Variants in FAM193A observed in about 807,000 individuals in gnomAD.
FAM193A encodes protein FAM193A.
A neutral mutation model predicts 126.5 loss-of-function variants in FAM193A; 22 were observed. The observed-to-expected ratio is 0.17, with a 90% CI of 0.12 to 0.25. FAM193A has a LOEUF of 0.25. FAM193A is among the 10% of genes least tolerant of loss of function. The probability of loss-of-function intolerance (pLI) is 1.00; values close to 1 mark genes in which losing one functional copy is unlikely to be tolerated. For missense variants in FAM193A, 1,675 were observed against 1,672.8 expected (o/e 1.00, Z -0.02); for synonymous variants, 761 against 646.8 (o/e 1.18, Z -2.68).
At chr4:2,615,473 T>A (rs1189202379) in intron 2 of FAM193A, among the ~76,000 whole-genome samples, 2 of 152,184 alleles carry the variant, frequency 1.3e-5, no homozygotes, top group African/African-American at 4.8e-5. Context: ...TATTATGATT[T>A]GTTCATTGAC....
intron 1 of FAM193A, among the ~76,000 whole-genome samples, chr4:2,550,889 C>T (rs922283772): frequency 1.3e-5 from 2 of 151,830 alleles, no homozygotes; most frequent in African/African-American, 4.8e-5. Context: ...CAAGCTCTGC[C>T]TCCCGGGTTC....
At chr4:2,627,217 A>G (rs1043989985) in intron 4 of FAM193A, among the ~76,000 whole-genome samples, 4 of 148,360 alleles carry the variant, frequency 2.7e-5, no homozygotes, top group South Asian at 2.1e-4. Context: ...CTGTAGTCCA[A>G]TGGCGTGATC....
chr4:2,666,664 A>G (rs1713156457), intron 12 of FAM193A, among the ~76,000 whole-genome samples: 1 of 152,336 alleles, frequency 6.6e-6, no homozygotes, highest in Admixed American at 6.5e-5. Flanking sequence ...AAGATCTGTA[A>G]TTACTAATTC....
At chr4:2,668,208 T>C (rs1450746182) in intron 12 of FAM193A, among the ~76,000 whole-genome samples, 1 of 150,094 alleles carries the variant, frequency 6.7e-6, no homozygotes, top group Non-Finnish European at 1.5e-5. Context: ...AGCCACAATA[T>C]GCATCTTTTT....
At chr4:2,688,763 G>A (rs1034048357) in intron 13 of FAM193A, among the ~76,000 whole-genome samples, 1 of 152,278 alleles carries the variant, frequency 6.6e-6, no homozygotes, top group Non-Finnish European at 1.5e-5. Flanking sequence ...AGAACATGGT[G>A]CTCAGGATCT....
intron 19 of FAM193A, among the ~76,000 whole-genome samples, chr4:2,712,371 GTGT>G (rs1719076582): frequency 6.6e-6 from 1 of 152,032 alleles, no homozygotes; most frequent in Non-Finnish European, 1.5e-5. Context: ...TCCTGTTTCC[GTGT>G]TGTTTGGTGC....
At chr4:2,652,168 C>CT (rs753833897) in intron 7 of FAM193A, among the ~76,000 whole-genome samples, 2 of 152,150 alleles carry the variant, frequency 1.3e-5, no homozygotes, top group Admixed American at 6.5e-5. Context: ...GTCTGCAAGT[C>CT]TAAGTGCAAA....
chr4:2,612,817 C>G (rs1173959351), intron 2 of FAM193A, among the ~76,000 whole-genome samples: 1 of 152,180 alleles, frequency 6.6e-6, no homozygotes, highest in Admixed American at 6.5e-5. Flanking sequence ...TATCCTGATT[C>G]TTGAAGCTAT....
In FAM193A at chr4:2,626,582, A is replaced by T. The variant is rs754064625; in HGVS notation, c.803+5A>T. The T allele has an allele frequency of 5.4e-5, 37 of 690,244 alleles. 2 individuals are homozygous for T. The South Asian group carries it at 5.5e-4, about 10-fold the overall frequency. The allele number at this position is 690,244 out of a possible 1,614,324, so 42.8% of individuals were successfully genotyped here. On this transcript the variant is annotated splice_donor_5th_base_variant and intron_variant, in intron 4 of 20. Coordinates refer to ENST00000637812, the MANE Select transcript of FAM193A (RefSeq NM_001366318.2). ...AGTGAAGGAGCTCGTGGATAGGTAC[A>T]TACTGCCCTTTCCTGTTGTGGCCCC... is the stretch of plus-strand genomic sequence containing the variant.
At position 2,654,670 on chromosome 4, in the gene FAM193A, GA is replaced by G. The variant is rs747372586; in HGVS notation, c.1312-3129del. 120 of 158,336 alleles carry G rather than the reference GA, an allele frequency of 7.6e-4. 1 individual carries two copies. The highest frequency in any genetic ancestry group is 2.6e-4 in the Non-Finnish European group (19 of 71,862). The allele number at this position is 158,336 out of a possible 1,614,324, so 9.8% of individuals were successfully genotyped here. On this transcript the variant is annotated intron_variant, in intron 7 of 20. Coordinates refer to ENST00000637812, the MANE Select transcript of FAM193A (RefSeq NM_001366318.2). Reference sequence around the variant, plus strand: ...TATAATAACTGCAGACATATACAATGAAAAGGGAGAATTGGCACCAATATTG... The same window carrying G: ...TATAATAACTGCAGACATATACAATGAAAGGGAGAATTGGCACCAATATTG...
rs563657798 is a variant in FAM193A at position 2,552,360 on chromosome 4, A to G, written c.255+15190A>G. ...GAGACGGGGTTTTGCCATGTTGCTC[A>G]CGCTGGTGTTTAACTCCTGAGTTTA... On this transcript the variant is annotated intron_variant, in intron 1 of 20. Coordinates refer to ENST00000637812, the MANE Select transcript of FAM193A (RefSeq NM_001366318.2). 5.3e-5 allele frequency among the ~76,000 whole-genome samples: 8 copies of G among 150,088 alleles called. No individual in the cohort carries two copies. The East Asian group carries it at 1.6e-3, about 30-fold the overall frequency.
At chr4:2,582,483 C>G (rs889103989) in intron 1 of FAM193A, among the ~76,000 whole-genome samples, 2 of 151,998 alleles carry the variant, frequency 1.3e-5, no homozygotes, top group Non-Finnish European at 2.9e-5. Context: ...CTCTCTCTTT[C>G]TTTCTTATTT....
intron 1 of FAM193A, among the ~76,000 whole-genome samples, chr4:2,541,170 T>C (rs1236415246): frequency 2.6e-5 from 4 of 151,760 alleles, no homozygotes; most frequent in Non-Finnish European, 2.9e-5. Context: ...CTCAGGAGGC[T>C]GAGGCAGGAG....
In FAM193A at chr4:2,689,768, C is replaced by T. The variant is rs750988763; in HGVS notation, c.2530+64C>T. On this transcript the variant is annotated intron_variant, in intron 14 of 20. Coordinates refer to ENST00000637812, the MANE Select transcript of FAM193A (RefSeq NM_001366318.2). ...AACCTGAGTAGACTGACATCTTTGC[C>T]GTAGTCTCCCGTGGAAGCCCTGGCG... 593 of 1,197,164 alleles carry T rather than the reference C, an allele frequency of 5.0e-4. 2 individuals are homozygous for T. The highest frequency in any genetic ancestry group is 8.1e-4 in the Admixed American group (30 of 36,892). 74.2% of individuals were successfully genotyped at this position (1,197,164 alleles called of 1,614,324 possible). A position where few individuals can be genotyped will look rare whatever the true frequency, so the allele number is the denominator to read the frequency against.
intron 7 of FAM193A, among the ~76,000 whole-genome samples, chr4:2,650,317 C>T (rs545193895): frequency 3.3e-5 from 5 of 152,158 alleles, no homozygotes; most frequent in Admixed American, 6.5e-5. Flanking sequence ...ATGGCACCCA[C>T]GCAGGGTGGT....
In FAM193A at chr4:2,636,529, T is replaced by C. The variant is rs577961630; in HGVS notation, c.1039-3206T>C. Among the ~76,000 whole-genome samples, 13 of 152,316 alleles carry C rather than the reference T, an allele frequency of 8.5e-5. 1 individual carries two copies. The South Asian group carries it at 2.7e-3, about 32-fold the overall frequency. On this transcript the variant is annotated intron_variant, in intron 5 of 20. Transcript: ENST00000637812. ...AATCCACAGGCTCCAGCTCACCCCA[T>C]GAATGGATTCTCTACTTATACATGG...
At chr4:2,563,638 A>G (rs1738764975) in intron 1 of FAM193A, among the ~76,000 whole-genome samples, 1 of 152,226 alleles carries the variant, frequency 6.6e-6, no homozygotes, top group Non-Finnish European at 1.5e-5. Flanking sequence ...CATTTATGGC[A>G]GAACCAACAC....
intron 5 of FAM193A, among the ~76,000 whole-genome samples, chr4:2,639,200 T>A (rs978140151): frequency 3.3e-5 from 5 of 152,220 alleles, no homozygotes; most frequent in African/African-American, 7.2e-5. Context: ...TGGTATTATC[T>A]AAAGTAATTG....
intron 19 of FAM193A, among the ~76,000 whole-genome samples, chr4:2,701,607 G>A (rs908913257): frequency 6.6e-6 from 1 of 152,102 alleles, no homozygotes; most frequent in South Asian, 2.1e-4. Context: ...ATCCTGGGTT[G>A]AGCTGGTCTG....
Sources: allele counts gnomAD v4.1 joint callset (sites outside exome capture counted in the v4.1 genomes callset), GRCh38; gene constraint gnomAD v4.1.1; transcripts MANE v1.5; gene names NCBI Gene and HGNC (gene_info 2026-07-23, HGNC 2026-07-21).